The following VPS13B variants were observed in gnomAD, a reference collection of about 807,000 sequenced individuals.
VPS13B encodes the protein intermembrane lipid transfer protein VPS13B.
A neutral mutation model predicts 426.4 loss-of-function variants in VPS13B; 285 were observed. That is an observed-to-expected ratio of 0.67 (90% CI 0.61 to 0.74). VPS13B has a LOEUF of 0.74. Among genes scored for constraint, VPS13B ranks in the 30% least tolerant of loss-of-function variants. VPS13B has a pLI of 0.00. For missense variants in VPS13B, 4,537 were observed against 4,782.6 expected (o/e 0.95, Z 1.51); for synonymous variants, 1,676 against 1,676.4 (o/e 1.00, Z 0.01).
chr8:99,448,174 A>G (rs996233664), intron 23 of VPS13B, among the ~76,000 whole-genome samples: 1 of 150,160 alleles, frequency 6.7e-6, no homozygotes, highest in African/African-American at 2.4e-5. Flanking sequence ...GCAAGAACTG[A>G]GATGGCAACT....
At chr8:99,702,647 C>T (rs887001137) in intron 36 of VPS13B, among the ~76,000 whole-genome samples, 1 of 152,080 alleles carries the variant, frequency 6.6e-6, no homozygotes, top group Non-Finnish European at 1.5e-5. Flanking sequence ...TCTCTTTGAT[C>T]CTTTTTGATG....
At chr8:99,677,394 C>T (rs1830982035) in intron 35 of VPS13B, among the ~76,000 whole-genome samples, 1 of 152,078 alleles carries the variant, frequency 6.6e-6, no homozygotes, top group Non-Finnish European at 1.5e-5. Flanking sequence ...TTCCAATTTC[C>T]AGTGTCAGTG....
chr8:99,222,913 A>G (rs993552023), intron 17 of VPS13B, among the ~76,000 whole-genome samples: 1 of 152,030 alleles, frequency 6.6e-6, no homozygotes, highest in Non-Finnish European at 1.5e-5. Flanking sequence ...CTCGGCTTAC[A>G]GCAACCTCCG....
At position 99,067,026 on chromosome 8, in the gene VPS13B, C is replaced by T. The variant is rs557771330; in HGVS notation, c.291+28460C>T. ...TGGAGAGGATGTGTAGAAATAGGAA[C>T]GCTTTTACAGTGTTGGTGGGAGTGT... On this transcript the variant is annotated intron_variant, in intron 3 of 61. Transcript: ENST00000357162. Among the ~76,000 whole-genome samples, 11 of 152,218 alleles carry T rather than the reference C, an allele frequency of 7.2e-5. No individual in the cohort carries two copies. In the South Asian group the frequency reaches 1.5e-3, roughly 20 times the overall value.
chr8:99,391,690 CA>C lies in VPS13B; in HGVS notation c.3073del (p.Thr1025ArgfsTer2). The C allele has an allele frequency of 6.2e-7, 1 of 1,613,986 alleles. No homozygotes were observed. Among genetic ancestry groups the C allele is most frequent in the Non-Finnish European group, 8.5e-7 (1 of 1,179,916 alleles). The part of the protein sequence containing the change: ...ASEYASSPVK[T>X]KTVTESRPLS... ...GAATATGCCAGCAGCCCTGTAAAAA[CA>C]AAAACGGTAACAGGTATGTGTCAAG... On this transcript the variant is annotated frameshift_variant, in exon 21 of 62. Transcript: ENST00000357162. LOFTEE classifies it high-confidence loss of function.
At chr8:99,639,121 T>C (rs1829194833) in intron 33 of VPS13B, among the ~76,000 whole-genome samples, 1 of 152,204 alleles carries the variant, frequency 6.6e-6, no homozygotes, top group African/African-American at 2.4e-5. Flanking sequence ...TTACAAATGA[T>C]ATTATATAGC....
chr8:99,515,361 A>AGCT lies in VPS13B; in HGVS notation c.4633+3880_4633+3882dup, dbSNP rs576737553. The stretch of plus-strand genomic sequence containing the variant: ...CAGACTTCTGCCATCTTATTTTTAA[A>AGCT]GCTGCTGCTGCTGCTGCTGCTGCTG... On this transcript the variant is annotated intron_variant, in intron 29 of 61. Coordinates refer to ENST00000357162, the MANE Select transcript of VPS13B (RefSeq NM_152564.5). Among the ~76,000 whole-genome samples, 999 of 150,152 alleles carry AGCT rather than the reference A, an allele frequency of 6.7e-3. 16 individuals are homozygous for AGCT. Among genetic ancestry groups the AGCT allele is most frequent in the East Asian group, 0.049 (250 of 5,140 alleles).
intron 35 of VPS13B, among the ~76,000 whole-genome samples, chr8:99,687,147 A>G (rs1186192129): frequency 6.6e-6 from 1 of 151,936 alleles, no homozygotes; most frequent in Non-Finnish European, 1.5e-5. Context: ...TGTGTCTACA[A>G]ATGTCATTTG....
intron 31 of VPS13B, among the ~76,000 whole-genome samples, chr8:99,574,439 G>A (rs1303186411): frequency 2.6e-5 from 4 of 152,078 alleles, no homozygotes; most frequent in African/African-American, 9.7e-5. Context: ...GCTTGGGTTT[G>A]TCATAAATAG....
At chr8:99,291,094 C>A (rs530089761) in intron 19 of VPS13B, among the ~76,000 whole-genome samples, 1 of 151,982 alleles carries the variant, frequency 6.6e-6, no homozygotes, top group East Asian at 1.9e-4. Flanking sequence ...GAATATGTTG[C>A]AGTGAAAAAA....
At chr8:99,230,778 T>C (rs1458655924) in intron 17 of VPS13B, among the ~76,000 whole-genome samples, 1 of 152,258 alleles carries the variant, frequency 6.6e-6, no homozygotes, top group Non-Finnish European at 1.5e-5. Flanking sequence ...AGTTTTACTG[T>C]TACTTTTAAT....
chr8:99,088,238 T>TA (rs1031399748), intron 3 of VPS13B, among the ~76,000 whole-genome samples: 65 of 149,572 alleles, frequency 4.3e-4, no homozygotes, highest in East Asian at 2.9e-3. Flanking sequence ...TATCAGATCT[T>TA]AAAAAAAAAA....
intron 33 of VPS13B, among the ~76,000 whole-genome samples, chr8:99,622,650 C>A (rs4735626): frequency 6.6e-6 from 1 of 152,190 alleles, no homozygotes; most frequent in African/African-American, 2.4e-5. Context: ...TATGGCAGTT[C>A]ACTGTATGCA....
At chr8:99,067,519 G>A (rs1054453723) in intron 3 of VPS13B, among the ~76,000 whole-genome samples, 4 of 152,156 alleles carry the variant, frequency 2.6e-5, no homozygotes, top group Admixed American at 6.5e-5. Flanking sequence ...GGGAGGGATA[G>A]CATTAGGAGA....
At chr8:99,447,687 T>C (rs906668788) in intron 23 of VPS13B, among the ~76,000 whole-genome samples, 1 of 152,176 alleles carries the variant, frequency 6.6e-6, no homozygotes, top group East Asian at 1.9e-4. Flanking sequence ...ATTTGGTGTG[T>C]GTGTGCATGC....
At position 99,112,048 on chromosome 8, in the gene VPS13B, C is replaced by T. The variant is rs566912975; in HGVS notation, c.762+769C>T. Among the ~76,000 whole-genome samples, 7 of 152,234 alleles carry T rather than the reference C, an allele frequency of 4.6e-5. No homozygotes were observed. In the East Asian group the frequency reaches 1.3e-3, roughly 29 times the overall value. On this transcript the variant is annotated intron_variant, in intron 6 of 61. Transcript: ENST00000357162. ...CTTCCACTTCTAAGTGAGAACAGGA[C>T]ATGTCTTTTGATACATGTGAAAATT... is the stretch of plus-strand genomic sequence containing the variant.
intron 19 of VPS13B, among the ~76,000 whole-genome samples, chr8:99,313,914 A>G (rs1821160244): frequency 6.6e-6 from 1 of 151,990 alleles, no homozygotes; most frequent in Non-Finnish European, 1.5e-5. Context: ...GATGGATTTC[A>G]GACTGCTGTG....
intron 27 of VPS13B, among the ~76,000 whole-genome samples, chr8:99,506,673 G>A (rs935773624): frequency 6.6e-6 from 1 of 152,036 alleles, no homozygotes; most frequent in Non-Finnish European, 1.5e-5. Flanking sequence ...GCTGGGACAA[G>A]ATGGCAAGAC....
At chr8:99,231,941 G>T (rs1816344413) in intron 17 of VPS13B, among the ~76,000 whole-genome samples, 1 of 152,072 alleles carries the variant, frequency 6.6e-6, no homozygotes, top group Non-Finnish European at 1.5e-5. Flanking sequence ...TTCTTTGTTT[G>T]GTTGATTGAT....
Sources: allele counts gnomAD v4.1 joint callset (sites outside exome capture counted in the v4.1 genomes callset), GRCh38; gene constraint gnomAD v4.1.1; transcripts MANE v1.5; gene names NCBI Gene and HGNC (gene_info 2026-07-23, HGNC 2026-07-21).